Variants in INO80 observed in about 807,000 individuals in gnomAD.
INO80 encodes the protein INO80 complex ATPase subunit.
INO80 carries 20 observed loss-of-function variants against 203.4 expected under a neutral mutation model. That is an observed-to-expected ratio of 0.10 (90% confidence interval 0.07 to 0.14). The LOEUF (loss-of-function observed/expected upper bound fraction) is 0.14. Ranked by LOEUF, INO80 falls within the 10% of genes least tolerant of loss-of-function variation. The pLI, the probability that INO80 is intolerant of heterozygous loss-of-function variation, is 1.00. For synonymous variants in INO80, 726 were observed against 685.2 expected (o/e 1.06, Z -0.93); for missense variants, 1,419 against 1,914.4 (o/e 0.74, Z 4.83).
Position 41,095,807 on chromosome 15 carries a change from T to C in INO80, c.265A>G (p.Ser89Gly), listed in dbSNP as rs772919412. The change falls in exon 3 of 36, where the codon AGT (serine) becomes GGT (glycine). Residue 89 changes from serine to glycine, a missense_variant. Around this residue, in one of 9 missense-constraint regions of INO80, gnomAD observed 323 missense variants for 325.4 expected, o/e 0.99. Coordinates refer to ENST00000648947, the MANE Select transcript of INO80 (RefSeq NM_017553.3). ...GAATATGTGTTTAACATTCCAGAAC[T>C]GCCTGCTCCAGAAGTTTCACCAAGC... Reference protein sequence around the residue: ...SLLGETSGAGSSGMLNTYSLN... With the variant: ...SLLGETSGAGGSGMLNTYSLN... The C allele has an allele frequency of 6.2e-7, 1 of 1,614,172 alleles. No individual in the cohort carries two copies. Among genetic ancestry groups the C allele is most frequent in the Admixed American group, 1.7e-5 (1 of 60,002 alleles).
intron 28 of INO80, among the ~76,000 whole-genome samples, chr15:41,003,132 A>C (rs534751488): frequency 6.6e-6 from 1 of 152,100 alleles, no homozygotes; most frequent in Non-Finnish European, 1.5e-5. Context: ...AAAAAACAAA[A>C]ACAAAAACAA....
At chr15:41,058,597 T>C (rs1038412704) in intron 16 of INO80, 42 bp downstream of exon 16, 1 of 1,510,154 alleles carries the variant, frequency 6.6e-7, no homozygotes. Context: ...GTGTGTGTAC[T>C]TAACCCAATG....
chr15:41,068,435 C>T lies in INO80; in HGVS notation c.1782+1135G>A, dbSNP rs554302174. Among the ~76,000 whole-genome samples the T allele has an allele frequency of 6.6e-5, 10 of 152,264 alleles. No individual in the cohort carries two copies. In the East Asian group the frequency reaches 1.7e-3, roughly 26 times the overall value. Reference sequence around the variant, plus strand: ...AATTAGCCGGGCATGGTGGCACATGCCTGTAATCCCAGCTACTCGGGAGGC... The same window carrying T: ...AATTAGCCGGGCATGGTGGCACATGTCTGTAATCCCAGCTACTCGGGAGGC... On this transcript the variant is annotated intron_variant, in intron 14 of 35. Transcript: ENST00000648947.
chr15:41,005,959 T>TA lies in INO80; in HGVS notation c.3403-273dup, dbSNP rs55706828. On this transcript the variant is annotated intron_variant, in intron 27 of 35. Transcript: ENST00000648947. ...TCCTGTAAATTCCTGTAGGTTTCAT[T>TA]AAAAAAAAAAAAAAAAAAAATTCCA... 8.1e-3 allele frequency among the ~76,000 whole-genome samples: 1,059 copies of TA among 131,414 alleles called. 25 individuals carry two copies. The highest frequency in any genetic ancestry group is 0.043 in the South Asian group (172 of 4,038). The allele number at this position is 131,414 out of a possible 152,430, so 86.2% of individuals were successfully genotyped here.
At chr15:41,076,725 G>C (rs58030331) in intron 9 of INO80, among the ~76,000 whole-genome samples, 1 of 152,152 alleles carries the variant, frequency 6.6e-6, no homozygotes, top group South Asian at 2.1e-4. Flanking sequence ...CTGGGTGACA[G>C]AGTAAGATAT....
At chr15:41,084,686 T>A (rs1206269362) in intron 7 of INO80, among the ~76,000 whole-genome samples, 1 of 152,240 alleles carries the variant, frequency 6.6e-6, no homozygotes, top group Non-Finnish European at 1.5e-5. Flanking sequence ...TTCAAACATT[T>A]GTAAATTCTC....
At chr15:41,048,416 G>A in intron 21 of INO80, 140 bp from the exon 22 acceptor site, 17 of 612,294 alleles carry the variant, frequency 2.8e-5, no homozygotes, top group South Asian at 1.1e-4. Context: ...CATATTACCA[G>A]GCAAAAATCA....
intron 14 of INO80, among the ~76,000 whole-genome samples, chr15:41,066,100 T>C (rs1269390467): frequency 6.7e-6 from 1 of 149,226 alleles, no homozygotes; most frequent in East Asian, 2.0e-4. Context: ...TGCCTCAGCC[T>C]CCCGAGTAGC....
chr15:40,995,079 C>T (rs1402708448), intron 29 of INO80, among the ~76,000 whole-genome samples: 1 of 152,192 alleles, frequency 6.6e-6, no homozygotes, highest in African/African-American at 2.4e-5. Context: ...TGGTCTTGAA[C>T]TCCTGACCTC....
intron 1 of INO80, among the ~76,000 whole-genome samples, chr15:41,101,990 GA>G (rs1219927952): frequency 6.6e-6 from 1 of 151,684 alleles, no homozygotes; most frequent in African/African-American, 2.4e-5. Flanking sequence ...AGGAATTCGA[GA>G]CCAACCTGGC....
intron 4 of INO80, among the ~76,000 whole-genome samples, chr15:41,093,454 A>G (rs1163880764): frequency 6.6e-6 from 1 of 152,024 alleles, no homozygotes; most frequent in Non-Finnish European, 1.5e-5. Context: ...ATGGAGAGTG[A>G]CTGCTAACGG....
At chr15:41,017,159 GCTTT>G (rs1381897914) in intron 26 of INO80, 1 of 152,152 alleles carries the variant, frequency 6.6e-6, no homozygotes, top group Non-Finnish European at 1.5e-5. Context: ...ACTAACTTGT[GCTTT>G]CTCTTTCCTC....
At position 41,087,760 on chromosome 15, in the gene INO80, C is replaced by T. The variant is rs984652424; in HGVS notation, c.538-78G>A. 2.1e-5 allele frequency: 31 copies of T among 1,442,508 alleles called. No homozygotes were observed. The South Asian group carries it at 3.7e-4, about 17-fold the overall frequency. The allele number at this position is 1,442,508 out of a possible 1,614,324, so 89.4% of individuals were successfully genotyped here. On this transcript the variant is annotated intron_variant, in intron 5 of 35. Coordinates refer to ENST00000648947, the MANE Select transcript of INO80 (RefSeq NM_017553.3). Reference sequence around the variant, plus strand: ...ATTACCTTTACTACAGAAAACTAAGCCAGAGGAAATCATAGCTCCTAAATA... The same window carrying T: ...ATTACCTTTACTACAGAAAACTAAGTCAGAGGAAATCATAGCTCCTAAATA...
At chr15:41,005,767 C>A in intron 27 of INO80, 80 bp from the exon 28 acceptor site, 1 of 740,190 alleles carries the variant, frequency 1.4e-6, no homozygotes. Context: ...TACCCATCTT[C>A]TACCTTGTCC....
rs183583078 is a variant in INO80 at position 41,097,618 on chromosome 15, G to A, written c.-43-1265C>T. On this transcript the variant is annotated intron_variant, in intron 1 of 35. Coordinates refer to ENST00000648947, the MANE Select transcript of INO80 (RefSeq NM_017553.3). ...CTCCCAAGTAGCTGGGATTACAGGC[G>A]TCCACCACCACACCTAGCTAATTTG... Among the ~76,000 whole-genome samples the A allele has an allele frequency of 1.1e-3, 170 of 151,070 alleles. 1 individual carries two copies. The highest frequency in any genetic ancestry group is 4.6e-4 in the Non-Finnish European group (31 of 67,802).
chr15:41,057,196 G>A (rs981525216), intron 16 of INO80, among the ~76,000 whole-genome samples: 1 of 152,164 alleles, frequency 6.6e-6, no homozygotes, highest in South Asian at 2.1e-4. Flanking sequence ...AGTATGCCAA[G>A]CATGGTGGCT....
chr15:41,022,854 C>A (rs1351534860), intron 25 of INO80, among the ~76,000 whole-genome samples: 2 of 152,262 alleles, frequency 1.3e-5, no homozygotes, highest in African/African-American at 2.4e-5. Context: ...GTAATCCCAG[C>A]ACTTTGGAAG....
At chr15:41,094,277 T>A (rs1596323842) in intron 4 of INO80, among the ~76,000 whole-genome samples, 1 of 152,166 alleles carries the variant, frequency 6.6e-6, no homozygotes, top group African/African-American at 2.4e-5. Flanking sequence ...AACTTCATCT[T>A]CCACCATCCT....
Position 40,987,954 on chromosome 15 carries a change from G to A in INO80, c.3591C>T (p.Asp1197=). 6.2e-7 allele frequency: 1 copy of A among 1,613,618 alleles called. No homozygotes were observed. Among genetic ancestry groups the A allele is most frequent in the Non-Finnish European group, 8.5e-7 (1 of 1,179,814 alleles). The part of the protein sequence containing the change: ...AADTVIFYDS[D]WNPTVDQQAM... ...CCTGCTGGTCCACAGTGGGGTTCCA[G>A]TCGCTATCATAGAAAATCACCTGCA... The change falls in exon 30 of 36, where the codon GAC becomes GAT. Residue 1197 remains aspartate, a synonymous_variant. Coordinates refer to ENST00000648947, the MANE Select transcript of INO80 (RefSeq NM_017553.3).
Sources: allele counts gnomAD v4.1 joint callset (sites outside exome capture counted in the v4.1 genomes callset), GRCh38; gene constraint gnomAD v4.1.1; regional missense constraint gnomAD v4.1.1; transcripts MANE v1.5; gene names NCBI Gene and HGNC (gene_info 2026-07-23, HGNC 2026-07-21).